Variants in BABAM2 observed in about 807,000 individuals in gnomAD.
BABAM2 encodes the protein BRISC and BRCA1 A complex member 2.
In BABAM2, 31 loss-of-function variants were observed where a neutral mutation model predicts 54.7. That is an observed-to-expected ratio of 0.57 (90% CI 0.43 to 0.77). BABAM2 has a LOEUF of 0.77. Among genes scored for constraint, BABAM2 ranks in the 30% least tolerant of loss-of-function variants. BABAM2 has a pLI of 0.00. For synonymous variants in BABAM2, 167 were observed against 162.9 expected (o/e 1.03, Z -0.19); for missense variants, 364 against 455.8 (o/e 0.80, Z 1.83).
intron 6 of BABAM2, among the ~76,000 whole-genome samples, chr2:28,066,041 C>T (rs926735670): frequency 1.3e-5 from 2 of 150,658 alleles, no homozygotes; most frequent in African/African-American, 2.4e-5. Context: ...TGCCTGTAGT[C>T]CCAGCTACTC....
intron 8 of BABAM2, among the ~76,000 whole-genome samples, chr2:28,239,841 G>T (rs886622204): frequency 6.6e-6 from 1 of 152,280 alleles, no homozygotes; most frequent in Non-Finnish European, 1.5e-5. Flanking sequence ...TAGGTTTTCC[G>T]CTGCTTCAGA....
chr2:28,007,001 T>C, intron 4 of BABAM2, among the ~76,000 whole-genome samples: 1 of 152,038 alleles, frequency 6.6e-6, no homozygotes, highest in Admixed American at 6.5e-5. Flanking sequence ...TTAAATAAAA[T>C]ACCCCTTCCA....
intron 6 of BABAM2, among the ~76,000 whole-genome samples, chr2:28,062,792 C>A (rs1424788084): frequency 6.6e-6 from 1 of 152,128 alleles, no homozygotes; most frequent in African/African-American, 2.4e-5. Context: ...TTGATGAACA[C>A]TCAGGTGTAG....
At chr2:28,010,972 T>C (rs1410328724) in intron 4 of BABAM2, among the ~76,000 whole-genome samples, 1 of 152,198 alleles carries the variant, frequency 6.6e-6, no homozygotes, top group Non-Finnish European at 1.5e-5. Context: ...TCATTGGGTT[T>C]GACTGGATAT....
intron 11 of BABAM2, among the ~76,000 whole-genome samples, chr2:28,332,888 A>T (rs1043396579): frequency 6.6e-6 from 1 of 152,198 alleles, no homozygotes; most frequent in African/African-American, 2.4e-5. Context: ...ACTTTGGCTG[A>T]GTATCCAAGC....
intron 5 of BABAM2, among the ~76,000 whole-genome samples, chr2:28,026,889 T>TATATATTTATATATAG (rs1675817648): frequency 7.3e-5 from 2 of 27,218 alleles, no homozygotes; most frequent in African/African-American, 1.3e-4. Flanking sequence ...TATATATAGA[T>TATATATTTATATATAG]ATATATAAAT....
chr2:27,974,975 T>C (rs1671485695), intron 3 of BABAM2, among the ~76,000 whole-genome samples: 1 of 152,008 alleles, frequency 6.6e-6, no homozygotes, highest in Admixed American at 6.6e-5. Context: ...TAAAAAATAG[T>C]ACCAATTATA....
chr2:28,187,694 G>A (rs1676466296), intron 7 of BABAM2, among the ~76,000 whole-genome samples: 1 of 128,546 alleles, frequency 7.8e-6, no homozygotes, highest in African/African-American at 3.0e-5. Flanking sequence ...TTGAGACGGA[G>A]TCTCTCTCCT....
intron 5 of BABAM2, among the ~76,000 whole-genome samples, chr2:28,042,813 A>T (rs1209415041): frequency 6.6e-6 from 1 of 152,100 alleles, no homozygotes; most frequent in Non-Finnish European, 1.5e-5. Flanking sequence ...TCACGAGGTC[A>T]GGAGATAAAG....
intron 6 of BABAM2, among the ~76,000 whole-genome samples, chr2:28,128,725 A>G (rs1026335353): frequency 7.9e-5 from 12 of 152,216 alleles, no homozygotes; most frequent in African/African-American, 2.9e-4. Flanking sequence ...TGTATGTCTC[A>G]TGATTCACAT....
At chr2:28,158,314 C>G (rs376031581) in intron 7 of BABAM2, among the ~76,000 whole-genome samples, 35 of 152,126 alleles carry the variant, frequency 2.3e-4, no homozygotes, top group African/African-American at 6.5e-4. Context: ...TACCAATAAA[C>G]TCTAAATGAA....
intron 10 of BABAM2, among the ~76,000 whole-genome samples, chr2:28,249,798 G>A (rs529132331): frequency 3.3e-5 from 5 of 151,996 alleles, no homozygotes; most frequent in African/African-American, 1.2e-4. Context: ...GCGCCATGAC[G>A]CCCAGCTAAT....
intron 3 of BABAM2, 34 bp downstream of exon 3, chr2:27,929,942 A>C (rs752935077): frequency 6.4e-7 from 1 of 1,570,228 alleles, no homozygotes; most frequent in South Asian, 1.1e-5. Context: ...CTCAAAATGT[A>C]GGTTACAGTG....
rs397735161 is a variant in BABAM2 at position 28,040,294 on chromosome 2, C to CTTTTTTTTTT, written c.496-5416_496-5407dup. On this transcript the variant is annotated intron_variant, in intron 5 of 11. Coordinates refer to ENST00000379624, the MANE Select transcript of BABAM2 (RefSeq NM_199191.3). Reference sequence around the variant, plus strand: ...CAGTGCCAGAATGAAAAACTGAATTCTTTTTTTTTTTTTTTTTTTTTTTTG... The same window carrying CTTTTTTTTTT: ...CAGTGCCAGAATGAAAAACTGAATTCTTTTTTTTTTTTTTTTTTTTTTTTTTTTTTTTTTG... Among the ~76,000 whole-genome samples, 211 of 59,492 alleles carry CTTTTTTTTTT rather than the reference C, an allele frequency of 3.5e-3. 33 individuals carry two copies. The highest frequency in any genetic ancestry group is 0.011 in the South Asian group (9 of 800). 39.0% of individuals were successfully genotyped at this position (59,492 alleles called of 152,430 possible). A position where few individuals can be genotyped will look rare whatever the true frequency, so the allele number is the denominator to read the frequency against.
At chr2:28,169,826 C>T (rs951506269) in intron 7 of BABAM2, among the ~76,000 whole-genome samples, 4 of 148,116 alleles carry the variant, frequency 2.7e-5, no homozygotes, top group Non-Finnish European at 6.0e-5. Flanking sequence ...TACAGTGTAG[C>T]AGCATAACAG....
chr2:28,318,260 G>C (rs902371259), intron 11 of BABAM2, among the ~76,000 whole-genome samples: 1 of 151,500 alleles, frequency 6.6e-6, no homozygotes, highest in East Asian at 1.9e-4. Context: ...ACTAGATAAG[G>C]GTTGGGCAAA....
intron 10 of BABAM2, among the ~76,000 whole-genome samples, chr2:28,262,107 G>C (rs1413563767): frequency 2.0e-5 from 3 of 152,178 alleles, no homozygotes; most frequent in Non-Finnish European, 1.5e-5. Flanking sequence ...CAAGCTGAGA[G>C]CCTGGTGTAA....
At chr2:28,118,309 A>G (rs1296399783) in intron 6 of BABAM2, among the ~76,000 whole-genome samples, 2 of 152,180 alleles carry the variant, frequency 1.3e-5, no homozygotes, top group African/African-American at 4.8e-5. Flanking sequence ...GTCTCCCACA[A>G]TGGTTGAACT....
chr2:28,237,211 A>G lies in BABAM2; in HGVS notation c.690A>G (p.Gly230=). The G allele has an allele frequency of 2.5e-6, 4 of 1,613,554 alleles. No homozygotes were observed. The highest frequency in any genetic ancestry group is 3.4e-6 in the Non-Finnish European group (4 of 1,179,594). The part of the protein sequence containing the change: ...YLSPRIEHAL[G]GSSALHIPAF... ...ACTCTTGTCCTTTCAGTGCACTTGG[A>G]GGCTCCTCAGCTCTTCATATCCCAG... is the stretch of plus-strand genomic sequence containing the variant. The change falls in exon 8 of 12, where the codon GGA becomes GGG. Residue 230 remains glycine (G), a synonymous_variant. Transcript: ENST00000379624.
Sources: gnomAD v4.1 joint callset for allele counts (sites outside exome capture counted in the v4.1 genomes callset) on GRCh38, gnomAD v4.1.1 for gene constraint, MANE v1.5 for transcripts, NCBI Gene and HGNC (gene_info 2026-07-23, HGNC 2026-07-21) for gene names.